Variants in CCDC91 observed in about 807,000 individuals in gnomAD.
CCDC91 encodes the protein coiled-coil domain containing 91, also known as coiled-coil domain-containing protein 91.
A neutral mutation model predicts 63.2 loss-of-function variants in CCDC91; 48 were observed. The observed-to-expected ratio is 0.76, with a 90% CI of 0.60 to 0.97. The LOEUF (loss-of-function observed/expected upper bound fraction) is 0.97, where lower values mean the gene tolerates loss of function less well. Ranked by LOEUF, CCDC91 falls within the 50% of genes least tolerant of loss-of-function variation. The pLI is 0.00. For synonymous variants in CCDC91, 167 were observed against 165.8 expected, an observed-to-expected ratio of 1.01 and a Z score of -0.06; for missense variants, 500 against 494.6, an observed-to-expected ratio of 1.01 and a Z score of -0.10.
intron 8 of CCDC91, among the ~76,000 whole-genome samples, chr12:28,424,172 C>T (rs1279039039): frequency 6.6e-6 from 1 of 152,090 alleles, no homozygotes; most frequent in Non-Finnish European, 1.5e-5. Context: ...TCAAGTGATC[C>T]TCCTGCCTCA....
chr12:28,365,361 G>A lies in CCDC91; in HGVS notation c.654+2846G>A, dbSNP rs1944206293. 2.6e-5 allele frequency among the ~76,000 whole-genome samples: 4 copies of A among 152,196 alleles called. No homozygotes were observed. In the South Asian group the frequency reaches 8.3e-4, roughly 32 times the overall value. ...TTTGCAGCGAAGAAAATATTGTGGA[G>A]TTAGAACCAAAAAATGATTTAAAAA... On this transcript the variant is annotated intron_variant, in intron 7 of 12. Transcript: ENST00000536442.
In CCDC91 at chr12:28,517,835, G is replaced by A. The variant is rs1940126474; in HGVS notation, c.1216-31228G>A. 2.6e-5 allele frequency among the ~76,000 whole-genome samples: 4 copies of A among 151,800 alleles called. No individual in the cohort carries two copies. The South Asian group carries it at 8.3e-4, about 31-fold the overall frequency. ...CGAAAGTCCACTGTGTCATTTTTAT[G>A]CCCTCACATCCTCACAGCTTAGCTC... On this transcript the variant is annotated intron_variant, in intron 12 of 12. Transcript: ENST00000536442.
intron 3 of CCDC91, chr12:28,268,535 C>T (rs1947517046): frequency 8.8e-6 from 3 of 340,114 alleles, no homozygotes; most frequent in Non-Finnish European, 1.2e-5. Flanking sequence ...GATTCTATAA[C>T]ACCACATTTT....
intron 8 of CCDC91, among the ~76,000 whole-genome samples, chr12:28,443,728 C>G (rs555624316): frequency 6.6e-6 from 1 of 152,232 alleles, no homozygotes; most frequent in South Asian, 2.1e-4. Context: ...CAGTGTTTCT[C>G]AAGCTAACTG....
intron 6 of CCDC91, among the ~76,000 whole-genome samples, chr12:28,335,416 A>AT (rs1941894931): frequency 1.4e-5 from 2 of 141,456 alleles, no homozygotes; most frequent in South Asian, 4.2e-4. Flanking sequence ...AATATATAAA[A>AT]ATACATATAT....
At chr12:28,340,209 A>G (rs572970547) in intron 6 of CCDC91, among the ~76,000 whole-genome samples, 14 of 152,348 alleles carry the variant, frequency 9.2e-5, no homozygotes, top group Non-Finnish European at 1.5e-5. Flanking sequence ...AAACATAGCT[A>G]TATTTTCCAA....
chr12:28,391,347 A>T lies in CCDC91; in HGVS notation c.698A>T (p.Glu233Val). The change falls in exon 8 of 13, where the codon GAA becomes GTA. Residue 233 changes from glutamate (E) to valine (V), a missense_variant. By Grantham distance (121) the Glu-to-Val change is moderately radical. Coordinates refer to ENST00000536442, the MANE Select transcript of CCDC91 (RefSeq NM_018318.5). ...GTTAAGCAACAAGTAGAAGCTATTG[A>T]AAAACAGTACATTTCTGCAATTGAG... ...SSVKQQVEAI[E>V]KQYISAIEKQ... The T allele has an allele frequency of 6.2e-7, 1 of 1,613,240 alleles. No homozygotes were observed. Among genetic ancestry groups the T allele is most frequent in the Non-Finnish European group, 8.5e-7 (1 of 1,179,334 alleles).
intron 8 of CCDC91, among the ~76,000 whole-genome samples, chr12:28,393,843 G>A (rs750787120): frequency 7.9e-5 from 12 of 152,070 alleles, no homozygotes; most frequent in African/African-American, 2.9e-4. Flanking sequence ...TCTCAAAAGT[G>A]GCCTATTATG....
chr12:28,219,857 T>G lies in CCDC91; in HGVS notation c.-15+29216T>G, dbSNP rs150226870. ...TGAATATTATAGTATCTTGATTAAT[T>G]TATCTGTCATTATGAAATTTCTCCC... is the stretch of plus-strand genomic sequence containing the variant. On this transcript the variant is annotated intron_variant, in intron 1 of 12. Transcript: ENST00000536442. Among the ~76,000 whole-genome samples, 568 of 152,290 alleles carry G rather than the reference T, an allele frequency of 3.7e-3. 2 individuals are homozygous for G. Among genetic ancestry groups the G allele is most frequent in the African/African-American group, 0.013 (535 of 41,558 alleles).
rs904202141 is a variant in CCDC91, at chr12:28,550,129, G to A, written c.*956G>A. 1.1e-4 allele frequency: 17 copies of A among 152,052 alleles called. No individual in the cohort carries two copies. The highest frequency in any genetic ancestry group is 3.9e-4 in the African/African-American group (16 of 41,334). The allele number at this position is 152,052 out of a possible 1,614,324, so 9.4% of individuals were successfully genotyped here. On this transcript the variant is annotated 3_prime_UTR_variant, in exon 13 of 13. Coordinates refer to ENST00000536442, the MANE Select transcript of CCDC91 (RefSeq NM_018318.5). ...ACTTTCATGGGCTTTGTACGTTTCT[G>A]AGATTTCTCAGTGTAATAAAAAGAG...
At chr12:28,522,336 C>G (rs1449989004) in intron 12 of CCDC91, among the ~76,000 whole-genome samples, 3 of 152,140 alleles carry the variant, frequency 2.0e-5, no homozygotes, top group African/African-American at 7.2e-5. Context: ...TCCTTTTCTT[C>G]TAGATTTTCT....
rs553100655 is a variant in CCDC91, at chr12:28,477,204, G to T, written c.1102-6848G>T. ...TTAGACCAATATCCCTGATGAACATGGATGCAAAAGTCCTCAATAAAATAC... is the reference window on the plus strand; with the variant it reads ...TTAGACCAATATCCCTGATGAACATTGATGCAAAAGTCCTCAATAAAATAC... On this transcript the variant is annotated intron_variant, in intron 11 of 12. Transcript: ENST00000536442. Among the ~76,000 whole-genome samples, 337 of 152,092 alleles carry T rather than the reference G, an allele frequency of 2.2e-3. 5 individuals carry two copies. The highest frequency in any genetic ancestry group is 7.6e-3 in the African/African-American group (316 of 41,528).
rs78636162 is a variant in CCDC91 at position 28,291,132 on chromosome 12, C to T, written c.110-14517C>T. ...AAGCATTACAATCAACACATTTTTG[C>T]CAACAAGAAACAAGGTTGTTTATTC... On this transcript the variant is annotated intron_variant, in intron 3 of 12. Coordinates refer to ENST00000536442, the MANE Select transcript of CCDC91 (RefSeq NM_018318.5). Among the ~76,000 whole-genome samples, 725 of 152,216 alleles carry T rather than the reference C, an allele frequency of 4.8e-3. 4 individuals are homozygous for T. The highest frequency in any genetic ancestry group is 6.9e-3 in the Admixed American group (105 of 15,294).
At chr12:28,418,689 A>G (rs1298712068) in intron 8 of CCDC91, among the ~76,000 whole-genome samples, 1 of 152,162 alleles carries the variant, frequency 6.6e-6, no homozygotes, top group Non-Finnish European at 1.5e-5. Flanking sequence ...TCAAAATTAG[A>G]TTAAACTACT....
chr12:28,247,406 G>A (rs751976963), intron 1 of CCDC91, among the ~76,000 whole-genome samples: 2 of 151,858 alleles, frequency 1.3e-5, no homozygotes, highest in Non-Finnish European at 2.9e-5. Context: ...CGTGAACCCG[G>A]GAGGCGGAGC....
At chr12:28,378,336 A>T (rs1945075804) in intron 7 of CCDC91, among the ~76,000 whole-genome samples, 1 of 152,084 alleles carries the variant, frequency 6.6e-6, no homozygotes, top group Non-Finnish European at 1.5e-5. Flanking sequence ...TGACTGCTGT[A>T]TTCTTATTTT....
chr12:28,499,547 T>A (rs942779085), intron 12 of CCDC91, among the ~76,000 whole-genome samples: 2 of 151,874 alleles, frequency 1.3e-5, no homozygotes, highest in African/African-American at 4.8e-5. Context: ...GATGTTCCCC[T>A]CCCTGTGTCC....
chr12:28,549,026 T>C (rs761096875), intron 12 of CCDC91, 37 bp from the exon 13 acceptor site: 3 of 1,387,704 alleles, frequency 2.2e-6, no homozygotes, highest in Admixed American at 1.7e-5. Flanking sequence ...CAGTATTTTT[T>C]TTTCTCTTTC....
rs60083355 is a variant in CCDC91, at chr12:28,458,455, C to CTTTTTTTTT, written c.1101+5825_1101+5833dup. Among the ~76,000 whole-genome samples the CTTTTTTTTT allele has an allele frequency of 1.2e-3, 57 of 45,802 alleles. 16 individuals carry two copies. The highest frequency in any genetic ancestry group is 5.8e-3 in the African/African-American group (53 of 9,072). 30.0% of individuals were successfully genotyped at this position (45,802 alleles called of 152,430 possible). ...TTCCCTTTTGTCCTCATTTGCACAC[C>CTTTTTTTTT]TTTTTTTTTTTTTTTTTTTTTTTTT... On this transcript the variant is annotated intron_variant, in intron 11 of 12. Coordinates refer to ENST00000536442, the MANE Select transcript of CCDC91 (RefSeq NM_018318.5).
Sources: allele counts gnomAD v4.1 joint callset (sites outside exome capture counted in the v4.1 genomes callset), GRCh38; gene constraint gnomAD v4.1.1; transcripts MANE v1.5; gene names NCBI Gene and HGNC (gene_info 2026-07-23, HGNC 2026-07-21).